The following CACHD1 variants were observed in gnomAD, a reference collection of about 807,000 sequenced individuals.
CACHD1 encodes the protein cache domain containing 1, also known as VWFA and cache domain-containing protein 1.
In CACHD1, 71 loss-of-function variants were observed where a neutral mutation model predicts 138.7. The observed-to-expected ratio is 0.51, with a 90% CI of 0.42 to 0.62. CACHD1 has a LOEUF of 0.62. Among genes scored for constraint, CACHD1 ranks in the 20% least tolerant of loss-of-function variants. The pLI is 0.00. For synonymous variants in CACHD1, 578 were observed against 591.5 expected (o/e 0.98, Z 0.33); for missense variants, 1,389 against 1,625.3 (o/e 0.85, Z 2.50).
At chr1:64,654,603 A>T in intron 11 of CACHD1, 83 bp from the exon 12 acceptor site, 1 of 952,498 alleles carries the variant, frequency 1.0e-6, no homozygotes, top group Non-Finnish European at 1.7e-6. Flanking sequence ...GTGGCCATTG[A>T]CTCAACAGCT....
intron 26 of CACHD1, among the ~76,000 whole-genome samples, chr1:64,685,235 T>C (rs1414862806): frequency 6.6e-6 from 1 of 152,214 alleles, no homozygotes; most frequent in Non-Finnish European, 1.5e-5. Flanking sequence ...TTGCCTACAG[T>C]ATTCAGTGCA....
intron 1 of CACHD1, among the ~76,000 whole-genome samples, chr1:64,516,455 C>G (rs1176724670): frequency 6.6e-6 from 1 of 152,122 alleles, no homozygotes; most frequent in Non-Finnish European, 1.5e-5. Flanking sequence ...AACAAAACAC[C>G]CGGCATAATG....
chr1:64,582,730 G>A (rs1031614579), intron 3 of CACHD1, among the ~76,000 whole-genome samples: 2 of 151,984 alleles, frequency 1.3e-5, no homozygotes, highest in African/African-American at 4.8e-5. Flanking sequence ...AACTCCTATG[G>A]GAAATGTGTT....
At position 64,490,027 on chromosome 1, in the gene CACHD1, T is replaced by C. The variant is rs142833280; in HGVS notation, c.198+19085T>C. 1.1e-3 allele frequency among the ~76,000 whole-genome samples: 174 copies of C among 152,320 alleles called. 2 individuals carry two copies. In the East Asian group the frequency reaches 0.026, roughly 23 times the overall value. On this transcript the variant is annotated intron_variant, in intron 1 of 26. Coordinates refer to ENST00000651257, the MANE Select transcript of CACHD1 (RefSeq NM_020925.4). ...ACAGAATGTCCATTCCTAATTGCCT[T>C]AGCCAAAGGGAGTTGTACAAAGTTA...
At chr1:64,474,405 G>T (rs1646162605) in intron 1 of CACHD1, among the ~76,000 whole-genome samples, 1 of 152,168 alleles carries the variant, frequency 6.6e-6, no homozygotes, top group Non-Finnish European at 1.5e-5. Context: ...TTTGCAAGTT[G>T]GGTGATTTTA....
At chr1:64,682,303 A>G (rs756304444) in intron 26 of CACHD1, among the ~76,000 whole-genome samples, 197 bp downstream of exon 26, 2 of 152,170 alleles carry the variant, frequency 1.3e-5, no homozygotes, top group Admixed American at 6.5e-5. Flanking sequence ...GTTTTTCTCC[A>G]TACAGAAGGA....
intron 3 of CACHD1, among the ~76,000 whole-genome samples, chr1:64,601,572 G>C (rs544609408): frequency 6.6e-6 from 1 of 152,332 alleles, no homozygotes; most frequent in Admixed American, 6.5e-5. Context: ...AATAAAGCAA[G>C]ACTGTTTTTA....
At position 64,470,414 on chromosome 1, in the gene CACHD1, C is replaced by T. The variant is rs1218543126; in HGVS notation, c.-331C>T. On this transcript the variant is annotated 5_prime_UTR_variant, in exon 1 of 27. Transcript: ENST00000651257. The surrounding 1 kb of genome is among the most constrained non-coding windows in gnomAD (Gnocchi z 5.2). ...CGACTCCGATTCCGACTGTCAGCCC[C>T]GGGGCCCGCGCACCCCGGCCTGCGG... Among the ~76,000 whole-genome samples the T allele has an allele frequency of 2.0e-5, 3 of 151,574 alleles. No individual in the cohort carries two copies. The highest frequency in any genetic ancestry group is 4.4e-5 in the Non-Finnish European group (3 of 67,838).
At chr1:64,559,146 G>GTA (rs1410723293) in intron 2 of CACHD1, among the ~76,000 whole-genome samples, 5 of 152,188 alleles carry the variant, frequency 3.3e-5, no homozygotes, top group Admixed American at 6.5e-5. Flanking sequence ...CCATTATTGG[G>GTA]TATATACCCA....
chr1:64,580,985 C>G (rs2100535516), intron 2 of CACHD1, among the ~76,000 whole-genome samples: 1 of 152,260 alleles, frequency 6.6e-6, no homozygotes, highest in Admixed American at 6.5e-5. Context: ...TTCCAAGACC[C>G]ACAACTCCTC....
chr1:64,564,004 A>G (rs1557495227), intron 2 of CACHD1, among the ~76,000 whole-genome samples: 2 of 152,316 alleles, frequency 1.3e-5, no homozygotes, highest in East Asian at 3.9e-4. Flanking sequence ...TAAGGATACC[A>G]AAAGAATTCA....
intron 1 of CACHD1, among the ~76,000 whole-genome samples, chr1:64,480,975 A>AT (rs1646208488): frequency 6.6e-6 from 1 of 151,784 alleles, no homozygotes; most frequent in East Asian, 1.9e-4. Flanking sequence ...ACTAAATGTC[A>AT]TTTAAATGTT....
chr1:64,653,993 T>A, intron 11 of CACHD1, 112 bp downstream of exon 11: 1 of 983,476 alleles, frequency 1.0e-6, no homozygotes, highest in Non-Finnish European at 1.4e-6. Flanking sequence ...ATTATTTTAA[T>A]GTTATCAAAA....
intron 1 of CACHD1, among the ~76,000 whole-genome samples, chr1:64,498,233 C>G (rs1646316842): frequency 6.6e-6 from 1 of 152,160 alleles, no homozygotes; most frequent in Non-Finnish European, 1.5e-5. Context: ...GCATAGGGGA[C>G]TCACAACAGC....
intron 1 of CACHD1, among the ~76,000 whole-genome samples, chr1:64,534,461 CA>C (rs1463573613): frequency 6.6e-6 from 1 of 152,122 alleles, no homozygotes; most frequent in Non-Finnish European, 1.5e-5. Context: ...GGTAAACAAA[CA>C]AAAAGCCTTC....
At chr1:64,609,540 A>C (rs1216904721) in intron 4 of CACHD1, among the ~76,000 whole-genome samples, 1 of 152,138 alleles carries the variant, frequency 6.6e-6, no homozygotes, top group African/African-American at 2.4e-5. Flanking sequence ...TCCCCCTTCA[A>C]ACTCTATTCC....
chr1:64,481,794 T>C (rs985167866), intron 1 of CACHD1, among the ~76,000 whole-genome samples: 1 of 152,150 alleles, frequency 6.6e-6, no homozygotes, highest in African/African-American at 2.4e-5. Flanking sequence ...AAATCTTAAT[T>C]CAAAAAACAA....
chr1:64,691,653 C>A lies in CACHD1; in HGVS notation c.*92C>A, dbSNP rs910494020. 4 of 1,143,736 alleles carry A rather than the reference C, an allele frequency of 3.5e-6. No individual in the cohort carries two copies. The African/African-American group carries it at 4.6e-5, about 13-fold the overall frequency. The allele number at this position is 1,143,736 out of a possible 1,614,324, so 70.8% of individuals were successfully genotyped here. ...CCGGCTTAAAACCCACAGCAAGAGA[C>A]CTCCCTTGTGTTTGTGCTTTGTGCA... On this transcript the variant is annotated 3_prime_UTR_variant, in exon 27 of 27. Coordinates refer to ENST00000651257, the MANE Select transcript of CACHD1 (RefSeq NM_020925.4).
rs565190256 is a variant in CACHD1, at chr1:64,673,301, C to T, written c.2610+44C>T. On this transcript the variant is annotated intron_variant, in intron 18 of 26. Transcript: ENST00000651257. ...AGCTGCTCAGTTCTCCAACCTCCTG[C>T]AGCTCACTACATGGCATATGTCTTC... The T allele has an allele frequency of 1.9e-5, 31 of 1,611,978 alleles. 2 individuals carry two copies. In the South Asian group the frequency reaches 3.0e-4, roughly 15 times the overall value.
Sources: allele counts gnomAD v4.1 joint callset (sites outside exome capture counted in the v4.1 genomes callset), GRCh38; gene constraint gnomAD v4.1.1; non-coding constraint Gnocchi (gnomAD v3.1); transcripts MANE v1.5; gene names NCBI Gene and HGNC (gene_info 2026-07-23, HGNC 2026-07-21).